Variants in RARB observed in about 807,000 individuals in gnomAD.
RARB encodes the protein retinoic acid receptor beta.
RARB carries 17 observed loss-of-function variants against 51.9 expected under a neutral mutation model. The ratio of observed to expected loss-of-function variants is 0.33; its 90% CI spans 0.22 to 0.49. RARB has a LOEUF of 0.49. Ranked by LOEUF, RARB falls within the 20% of genes least tolerant of loss-of-function variation. The pLI is 0.99. For synonymous variants in RARB, 215 were observed against 195.4 expected (o/e 1.10, Z -0.84); for missense variants, 369 against 550.8 (o/e 0.67, Z 3.30).
At chr3:25,307,484 C>A (rs1382618681) in intron 5 of RARB, among the ~76,000 whole-genome samples, 1 of 152,120 alleles carries the variant, frequency 6.6e-6, no homozygotes, top group Non-Finnish European at 1.5e-5. Flanking sequence ...CCTTAGCCAA[C>A]ACACAAATTC....
chr3:25,316,575 A>G (rs879778550), intron 5 of RARB, among the ~76,000 whole-genome samples: 2 of 152,250 alleles, frequency 1.3e-5, no homozygotes, highest in Non-Finnish European at 1.5e-5. Context: ...AAGAGGATTC[A>G]GAAGAGTGGG....
At position 24,881,235 on chromosome 3, in the gene RARB, C is replaced by A. The variant is rs12633879; in HGVS notation, c.-380+22483C>A. Among the ~76,000 whole-genome samples the A allele has an allele frequency of 0.011, 1,735 of 152,244 alleles. 71 individuals carry two copies. In the East Asian group the frequency reaches 0.14, roughly 13 times the overall value. ...TCCCCAGCCATGCAGAACTGTGAGC[C>A]AATTAAGCCTCTTGTTTATAAATTA... On this transcript the variant is annotated intron_variant, in intron 2 of 11. Transcript: ENST00000383772.
At chr3:24,949,736 C>T (rs17195094) in intron 2 of RARB, among the ~76,000 whole-genome samples, 18,668 of 152,174 alleles carry the variant, frequency 0.12, 1,346 homozygotes, top group Non-Finnish European at 0.16. Flanking sequence ...CCGGACATTA[C>T]GCTACAGTCT....
intron 2 of RARB, among the ~76,000 whole-genome samples, chr3:25,047,071 G>A (rs567532058): frequency 2.0e-5 from 3 of 152,138 alleles, no homozygotes; most frequent in Non-Finnish European, 4.4e-5. Context: ...AGTGTCTCAT[G>A]TGGCAAATGA....
chr3:25,052,227 T>G (rs1297757161), intron 2 of RARB, among the ~76,000 whole-genome samples: 1 of 152,198 alleles, frequency 6.6e-6, no homozygotes, highest in Non-Finnish European at 1.5e-5. Context: ...GCCCTTATTA[T>G]CACAATATGT....
intron 4 of RARB, among the ~76,000 whole-genome samples, chr3:25,136,280 T>C (rs760623632): frequency 6.6e-6 from 1 of 151,994 alleles, no homozygotes; most frequent in Non-Finnish European, 1.5e-5. Flanking sequence ...GATTAATACT[T>C]ATAAAAAGCT....
intron 2 of RARB, among the ~76,000 whole-genome samples, chr3:24,883,977 ATTTGTT>A (rs1703226201): frequency 1.3e-5 from 2 of 152,070 alleles, no homozygotes; most frequent in Non-Finnish European, 2.9e-5. Flanking sequence ...GTATTGTTAC[ATTTGTT>A]TCTCCCATCT....
chr3:25,003,789 A>G (rs888849552), intron 2 of RARB, among the ~76,000 whole-genome samples: 1 of 152,152 alleles, frequency 6.6e-6, no homozygotes, highest in Non-Finnish European at 1.5e-5. Context: ...AGATATACAG[A>G]TAAAAGGTCA....
chr3:25,418,066 G>C (rs1471819564), intron 5 of RARB, among the ~76,000 whole-genome samples: 1 of 152,144 alleles, frequency 6.6e-6, no homozygotes, highest in Non-Finnish European at 1.5e-5. Context: ...GGGAAATTAA[G>C]GAAGTGACAT....
chr3:25,202,280 A>T (rs1440591667), intron 5 of RARB, among the ~76,000 whole-genome samples: 18 of 151,972 alleles, frequency 1.2e-4, no homozygotes, highest in Admixed American at 1.2e-3. Context: ...TGGTGGTGAT[A>T]TCCCCTTTAC....
At chr3:25,381,002 T>C (rs1706608991) in intron 5 of RARB, among the ~76,000 whole-genome samples, 1 of 152,236 alleles carries the variant, frequency 6.6e-6, no homozygotes. Context: ...TATTGCTTTA[T>C]TATTTTCTCT....
intron 2 of RARB, among the ~76,000 whole-genome samples, chr3:25,495,709 G>A (rs374994213): frequency 1.3e-5 from 2 of 152,350 alleles, no homozygotes; most frequent in African/African-American, 4.8e-5. Context: ...TTGACTCAGT[G>A]TGTAACACAG....
chr3:25,128,307 T>C (rs1262283466), intron 3 of RARB, among the ~76,000 whole-genome samples: 1 of 151,916 alleles, frequency 6.6e-6, no homozygotes, highest in East Asian at 1.9e-4. Flanking sequence ...TTTTCAGCTG[T>C]AACATGAAAA....
intron 2 of RARB, among the ~76,000 whole-genome samples, chr3:24,977,328 T>C (rs1405978939): frequency 1.3e-5 from 2 of 152,318 alleles, no homozygotes; most frequent in South Asian, 2.1e-4. Context: ...GGGGATAGGA[T>C]TGAATCTATA....
At chr3:25,245,029 T>A (rs1033317002) in intron 5 of RARB, among the ~76,000 whole-genome samples, 1 of 152,266 alleles carries the variant, frequency 6.6e-6, no homozygotes, top group Non-Finnish European at 1.5e-5. Context: ...TTAGCTCTTC[T>A]TGTTGCATTG....
At chr3:25,106,473 G>GTTTTTGTTTTTTT (rs1559468602) in intron 3 of RARB, among the ~76,000 whole-genome samples, 5 of 111,698 alleles carry the variant, frequency 4.5e-5, no homozygotes, top group African/African-American at 1.5e-4. Flanking sequence ...TTTTTGTTTT[G>GTTTTTGTTTTTTT]TTTTTTTTTT....
At chr3:25,232,331 G>C (rs972868751) in intron 5 of RARB, among the ~76,000 whole-genome samples, 10 of 152,054 alleles carry the variant, frequency 6.6e-5, no homozygotes, top group Non-Finnish European at 1.0e-4. Context: ...CCACGTAAGT[G>C]TTAGACTCAG....
At chr3:24,938,428 A>AT (rs1335078342) in intron 2 of RARB, among the ~76,000 whole-genome samples, 1 of 151,928 alleles carries the variant, frequency 6.6e-6, no homozygotes, top group African/African-American at 2.4e-5. Flanking sequence ...CCATAGATGT[A>AT]TTTTTTGTTT....
At chr3:25,110,775 G>A (rs1404281144) in intron 3 of RARB, among the ~76,000 whole-genome samples, 1 of 152,094 alleles carries the variant, frequency 6.6e-6, no homozygotes, top group Admixed American at 6.6e-5. Context: ...AAGTGTTAGT[G>A]GTAAGAATCT....
Sources: allele counts gnomAD v4.1 joint callset (sites outside exome capture counted in the v4.1 genomes callset), GRCh38; gene constraint gnomAD v4.1.1; transcripts MANE v1.5; gene names NCBI Gene and HGNC (gene_info 2026-07-23, HGNC 2026-07-21).